DERPC: variants seen among roughly 807,000 people sequenced by gnomAD.
DERPC encodes decreased expression in renal and prostate cancer protein.
In DERPC, 1 loss-of-function variant was observed where a neutral mutation model predicts 7.2. The observed-to-expected ratio is 0.14, with a 90% CI of 0.05 to 0.66. The LOEUF is 0.66. Among genes scored for constraint, DERPC ranks in the 30% least tolerant of loss-of-function variants. DERPC has a pLI of 0.84. For synonymous variants in DERPC, 185 were observed against 117.6 expected, an observed-to-expected ratio of 1.57 and a Z score of -3.71; for missense variants, 502 against 299.4, an observed-to-expected ratio of 1.68 and a Z score of -4.99.
At chr16:69,127,096 C>G (rs56237738) in intron 1 of DERPC, among the ~76,000 whole-genome samples, 1 of 151,870 alleles carries the variant, frequency 6.6e-6, no homozygotes, top group Non-Finnish European at 1.5e-5. Context: ...AAATTAGCCG[C>G]GCGTGGTGGC....
chr16:69,118,190 T>A lies in DERPC; in HGVS notation c.*664A>T, dbSNP rs1172866476. On this transcript the variant is annotated 3_prime_UTR_variant, in exon 3 of 3. Transcript: ENST00000519520. Reference sequence around the variant, plus strand: ...TTAAATTTTGAGGTTCTTTGATTGATTGGGAGTACCAGTGAAGAGGGAGTT... The same window carrying A: ...TTAAATTTTGAGGTTCTTTGATTGAATGGGAGTACCAGTGAAGAGGGAGTT... 7 of 605,970 alleles carry A rather than the reference T, an allele frequency of 1.2e-5. No individual in the cohort carries two copies. Among genetic ancestry groups the A allele is most frequent in the Non-Finnish European group, 2.1e-5 (7 of 338,106 alleles). 37.5% of individuals were successfully genotyped at this position (605,970 alleles called of 1,614,324 possible).
At chr16:69,129,779 C>G (rs536232464) in intron 1 of DERPC, among the ~76,000 whole-genome samples, 121 of 152,194 alleles carry the variant, frequency 8.0e-4, no homozygotes, top group Non-Finnish European at 1.4e-3. Context: ...AAATATTAGC[C>G]TCGTTCTCAC....
chr16:69,120,513 C>T lies in DERPC; in HGVS notation c.-85G>A, dbSNP rs372410640. On this transcript the variant is annotated 5_prime_UTR_variant, in exon 3 of 3. Transcript: ENST00000519520. This position sits in a 1 kb window ranked among gnomAD's most constrained non-coding sequence, Gnocchi z 4.0. ...TTTGATGAGTGCTGTCACCAGGTACCGGGTGCCAGTCTCGCGGCCAAGCTC... is the reference window on the plus strand; with the variant it reads ...TTTGATGAGTGCTGTCACCAGGTACTGGGTGCCAGTCTCGCGGCCAAGCTC... The T allele has an allele frequency of 1.3e-5, 21 of 1,613,948 alleles. No homozygotes were observed. Among genetic ancestry groups the T allele is most frequent in the African/African-American group, 9.4e-5 (7 of 74,866 alleles).
intron 1 of DERPC, among the ~76,000 whole-genome samples, chr16:69,129,247 A>G (rs1319510976): frequency 2.0e-5 from 3 of 151,598 alleles, no homozygotes; most frequent in African/African-American, 7.3e-5. Flanking sequence ...TGGATAACAC[A>G]GTGAAACCCC....
rs747577277 is a variant in DERPC at position 69,118,560 on chromosome 16, T to C, written c.*294A>G. 2.3e-5 allele frequency: 18 copies of C among 794,294 alleles called. No homozygotes were observed. Among genetic ancestry groups the C allele is most frequent in the South Asian group, 1.5e-4 (11 of 71,200 alleles). 49.2% of individuals were successfully genotyped at this position (794,294 alleles called of 1,614,324 possible). ...AGTCCACAAGAACAATTCAAGAAAC[T>C]AGTAAGAAACAATGGGCAGAAAGCT... On this transcript the variant is annotated 3_prime_UTR_variant, in exon 3 of 3. Coordinates refer to ENST00000519520, the MANE Select transcript of DERPC (RefSeq NM_001002847.4).
chr16:69,120,608 C>T lies in DERPC; in HGVS notation c.-180G>A. The T allele has an allele frequency of 1.2e-6, 2 of 1,613,858 alleles. No individual in the cohort carries two copies. The highest frequency in any genetic ancestry group is 1.7e-6 in the Non-Finnish European group (2 of 1,179,818). On this transcript the variant is annotated 5_prime_UTR_variant, in exon 3 of 3. Coordinates refer to ENST00000519520, the MANE Select transcript of DERPC (RefSeq NM_001002847.4). The surrounding 1 kb of genome is among the most constrained non-coding windows in gnomAD (Gnocchi z 4.0). ...AAGGTTTCTCCAGGTGGATGATTTT[C>T]CCATACAGGATATGATGCCCCACGA...
chr16:69,128,753 T>C (rs1206557120), intron 1 of DERPC, among the ~76,000 whole-genome samples: 1 of 152,066 alleles, frequency 6.6e-6, no homozygotes, highest in Non-Finnish European at 1.5e-5. Context: ...TCTCTCTCTT[T>C]TGAAATTAGT....
rs575093035 is a variant in DERPC at position 69,119,072 on chromosome 16, G to A, written c.1357C>T (p.Pro453Ser). Residue 453 changes from proline (P) to serine (S), a missense_variant, in exon 3 of 3, where the codon CCA becomes TCA. Transcript: ENST00000519520. ...RPAAGHLGPS[P>S]AGPVGINPAP... ...GGGTTGATACCCACAGGGCCAGCTG[G>A]AGAAGGGCCCAGATGCCCGGCAGCT... is the stretch of plus-strand genomic sequence containing the variant. The A allele has an allele frequency of 1.2e-4, 82 of 703,066 alleles. No homozygotes were observed. Among genetic ancestry groups the A allele is most frequent in the South Asian group, 3.0e-4 (20 of 67,574 alleles). 43.6% of individuals were successfully genotyped at this position (703,066 alleles called of 1,614,324 possible). A position where few individuals can be genotyped will look rare whatever the true frequency, so the allele number is the denominator to read the frequency against.
chr16:69,130,181 G>T (rs1485595769), intron 1 of DERPC, among the ~76,000 whole-genome samples: 1 of 152,206 alleles, frequency 6.6e-6, no homozygotes, highest in Non-Finnish European at 1.5e-5. Flanking sequence ...AAATGTGGCA[G>T]AAGAAAGTGT....
intron 1 of DERPC, among the ~76,000 whole-genome samples, chr16:69,124,595 G>A (rs925690937): frequency 4.6e-5 from 7 of 151,562 alleles, no homozygotes; most frequent in Admixed American, 2.6e-4. Context: ...GGCTGGTCTC[G>A]AACTTCTGAC....
At chr16:69,122,379 TTTC>T (rs922340111) in intron 1 of DERPC, among the ~76,000 whole-genome samples, 3 of 151,868 alleles carry the variant, frequency 2.0e-5, no homozygotes, top group African/African-American at 7.3e-5. Flanking sequence ...TTTTTTTTTT[TTTC>T]TTTTTCTTGA....
At chr16:69,122,266 T>A (rs958539968) in intron 1 of DERPC, among the ~76,000 whole-genome samples, 3 of 152,178 alleles carry the variant, frequency 2.0e-5, no homozygotes, top group Admixed American at 6.5e-5. Context: ...CTAATTAAGA[T>A]CACATAGCTA....
intron 1 of DERPC, among the ~76,000 whole-genome samples, chr16:69,121,811 G>T (rs939990737): frequency 6.6e-6 from 1 of 152,194 alleles, no homozygotes; most frequent in Non-Finnish European, 1.5e-5. Flanking sequence ...GGGACTACAG[G>T]TGCCCGCCAC....
Position 69,120,347 on chromosome 16 carries a change from C to A in DERPC, c.82G>T (p.Gly28Cys), listed in dbSNP as rs764454622. The change falls in exon 3 of 3, where the codon GGT (glycine) becomes TGT (cysteine). Residue 28 changes from glycine (G) to cysteine (C), a missense_variant. Physicochemically the swap from Gly to Cys is radical, Grantham distance 159 (BLOSUM62 -3). Coordinates refer to ENST00000519520, the MANE Select transcript of DERPC (RefSeq NM_001002847.4). This position sits in a 1 kb window ranked among gnomAD's most constrained non-coding sequence, Gnocchi z 4.0. ...APLPPRGRLD[G>C]SLGPQGGPVL... ...GGACCCCCCTGTGGTCCCAGGGAACCGTCGAGCCGTCCTCGAGGTGGCAGC... is the reference window on the plus strand; with the variant it reads ...GGACCCCCCTGTGGTCCCAGGGAACAGTCGAGCCGTCCTCGAGGTGGCAGC... 1.4e-6 allele frequency: 2 copies of A among 1,429,708 alleles called. No individual in the cohort carries two copies. The highest frequency in any genetic ancestry group is 2.8e-5 in the African/African-American group (2 of 71,348). 88.6% of individuals were successfully genotyped at this position (1,429,708 alleles called of 1,614,324 possible).
chr16:69,131,673 T>A (rs965250232), intron 1 of DERPC, among the ~76,000 whole-genome samples: 1 of 146,214 alleles, frequency 6.8e-6, no homozygotes, highest in Non-Finnish European at 1.5e-5. Context: ...GGGAAACTAT[T>A]CTTTAAACCG....
At chr16:69,127,199 C>G (rs540770319) in intron 1 of DERPC, among the ~76,000 whole-genome samples, 1 of 151,388 alleles carries the variant, frequency 6.6e-6, no homozygotes, top group Non-Finnish European at 1.5e-5. Flanking sequence ...GATTGCGCCA[C>G]CACACTCCAG....
intron 1 of DERPC, among the ~76,000 whole-genome samples, chr16:69,128,793 C>T (rs975542140): frequency 6.6e-6 from 1 of 152,116 alleles, no homozygotes; most frequent in Non-Finnish European, 1.5e-5. Context: ...CCGCCAGGCA[C>T]GGTGGCTCAC....
chr16:69,120,764 C>G lies in DERPC; in HGVS notation c.-221-115G>C. On this transcript the variant is annotated intron_variant, in intron 2 of 2. Transcript: ENST00000519520. This position sits in a 1 kb window ranked among gnomAD's most constrained non-coding sequence, Gnocchi z 4.0. ...CTGGCACCTCCAATCCCTGGTCTGG[C>G]TCTGCCATTGTTGAGCAGCCACACT... 1 of 934,200 alleles carries G rather than the reference C, an allele frequency of 1.1e-6. No individual in the cohort carries two copies. The highest frequency in any genetic ancestry group is 1.7e-6 in the Non-Finnish European group (1 of 604,288). 57.9% of individuals were successfully genotyped at this position (934,200 alleles called of 1,614,324 possible). A position where few individuals can be genotyped will look rare whatever the true frequency, so the allele number is the denominator to read the frequency against.
intron 1 of DERPC, among the ~76,000 whole-genome samples, chr16:69,123,884 T>C (rs1961860917): frequency 6.7e-6 from 1 of 149,804 alleles, no homozygotes; most frequent in Non-Finnish European, 1.5e-5. Flanking sequence ...GGTCAGGAGT[T>C]TGAGACCAGC....
Sources: allele counts gnomAD v4.1 joint callset (sites outside exome capture counted in the v4.1 genomes callset), GRCh38; gene constraint gnomAD v4.1.1; non-coding constraint Gnocchi (gnomAD v3.1); transcripts MANE v1.5; gene names NCBI Gene and HGNC (gene_info 2026-07-23, HGNC 2026-07-21).